Variants in RGS6 observed in about 807,000 individuals in gnomAD.
RGS6 encodes regulator of G protein signaling 6.
RGS6 carries 30 observed loss-of-function variants against 78.5 expected under a neutral mutation model. The ratio of observed to expected loss-of-function variants is 0.38; its 90% CI spans 0.29 to 0.52. The LOEUF (loss-of-function observed/expected upper bound fraction) is 0.52, where lower values mean the gene tolerates loss of function less well. RGS6 is among the 20% of genes least tolerant of loss of function. The pLI is 0.85. For missense variants in RGS6, 495 were observed against 609.7 expected, an observed-to-expected ratio of 0.81 and a Z score of 1.98; for synonymous variants, 206 against 206.0, an observed-to-expected ratio of 1.00 and a Z score of 0.00.
chr14:71,956,408 G>C (rs75736325), intron 1 of RGS6, among the ~76,000 whole-genome samples: 3,001 of 151,668 alleles, frequency 0.02, 33 homozygotes, highest in Middle Eastern at 0.027. Flanking sequence ...GTGTGTGTGT[G>C]TATATATATG....
intron 2 of RGS6, among the ~76,000 whole-genome samples, chr14:71,972,743 G>T (rs2093888278): frequency 6.6e-6 from 1 of 152,142 alleles, no homozygotes; most frequent in Non-Finnish European, 1.5e-5. Flanking sequence ...GAAAAATGAT[G>T]CCCAAATCAG....
intron 6 of RGS6, among the ~76,000 whole-genome samples, chr14:72,462,601 G>A (rs185196319): frequency 1.3e-5 from 2 of 152,290 alleles, no homozygotes; most frequent in East Asian, 3.9e-4. Flanking sequence ...CTGCTACGAT[G>A]GTGATTTTTC....
intron 3 of RGS6, among the ~76,000 whole-genome samples, chr14:72,397,404 C>A (rs2091567512): frequency 6.6e-6 from 1 of 151,712 alleles, no homozygotes; most frequent in Admixed American, 6.6e-5. Context: ...GATTTTGTAT[C>A]CTGAGACTTT....
chr14:72,162,736 T>C (rs2096870319), intron 2 of RGS6, among the ~76,000 whole-genome samples: 1 of 152,100 alleles, frequency 6.6e-6, no homozygotes, highest in South Asian at 2.1e-4. Flanking sequence ...CAAAAATATG[T>C]AACCAGTCCA....
At chr14:72,278,677 A>C (rs747286394) in intron 2 of RGS6, among the ~76,000 whole-genome samples, 1 of 152,204 alleles carries the variant, frequency 6.6e-6, no homozygotes, top group Non-Finnish European at 1.5e-5. Flanking sequence ...TTACACAATC[A>C]TGGGAGCTGG....
the RGS6 span, chr14:72,619,363 G>A: frequency 3.3e-5 from 50 of 1,536,036 alleles, no homozygotes; most frequent in Non-Finnish European, 4.0e-5. Context: ...GGCAGCTCCA[G>A]CTTCCTGCAA....
intron 3 of RGS6, among the ~76,000 whole-genome samples, chr14:72,376,751 AG>A (rs1314894109): frequency 1.3e-5 from 2 of 152,228 alleles, no homozygotes; most frequent in Non-Finnish European, 2.9e-5. Flanking sequence ...TTAGAAATGA[AG>A]GAGAAATAAA....
chr14:72,220,643 G>A (rs1388027605), intron 2 of RGS6, among the ~76,000 whole-genome samples: 2 of 152,188 alleles, frequency 1.3e-5, no homozygotes, highest in African/African-American at 4.8e-5. Context: ...TGGCTACATG[G>A]AATTGTGCTA....
chr14:72,495,334 A>T, intron 13 of RGS6, 72 bp downstream of exon 13: 1 of 971,346 alleles, frequency 1.0e-6, no homozygotes, highest in Non-Finnish European at 1.7e-6. Context: ...AGATTACCTT[A>T]TATTCTATCT....
At chr14:72,402,631 AC>A in intron 3 of RGS6, among the ~76,000 whole-genome samples, 1 of 152,212 alleles carries the variant, frequency 6.6e-6, no homozygotes, top group East Asian at 1.9e-4. Context: ...TGCAAAAAAA[AC>A]CCACTTATAC....
At chr14:72,286,787 CCT>C (rs1365112344) in intron 2 of RGS6, among the ~76,000 whole-genome samples, 1 of 151,886 alleles carries the variant, frequency 6.6e-6, no homozygotes, top group Non-Finnish European at 1.5e-5. Flanking sequence ...GGACCCCTCC[CCT>C]CCCCTCCCCT....
At chr14:72,413,501 C>A (rs1050386268) in intron 3 of RGS6, among the ~76,000 whole-genome samples, 4 of 152,172 alleles carry the variant, frequency 2.6e-5, no homozygotes, top group South Asian at 2.1e-4. Flanking sequence ...CAGCACACTG[C>A]TGGGTCTTGA....
chr14:72,438,212 C>T (rs2095029029), intron 3 of RGS6, among the ~76,000 whole-genome samples: 2 of 152,176 alleles, frequency 1.3e-5, no homozygotes, highest in African/African-American at 4.8e-5. Flanking sequence ...TGACAGGAGA[C>T]ATTCCAAATT....
intron 2 of RGS6, among the ~76,000 whole-genome samples, chr14:71,984,462 T>C (rs2094602336): frequency 9.0e-6 from 1 of 110,544 alleles, no homozygotes. Flanking sequence ...CCGTGCAATA[T>C]AGTGAGACCC....
chr14:72,494,339 C>T (rs2096616340), intron 12 of RGS6, among the ~76,000 whole-genome samples: 1 of 151,778 alleles, frequency 6.6e-6, no homozygotes, highest in Non-Finnish European at 1.5e-5. Context: ...GAGTTGAGGA[C>T]TGGTGAATAG....
chr14:72,616,335 G>C, the RGS6 span, among the ~76,000 whole-genome samples: 2 of 152,086 alleles, frequency 1.3e-5, no homozygotes, highest in Admixed American at 6.5e-5. Flanking sequence ...TATAGAAGGA[G>C]TATCCTGAGT....
chr14:72,089,811 A>G (rs1031404937), intron 2 of RGS6, among the ~76,000 whole-genome samples: 5 of 152,176 alleles, frequency 3.3e-5, no homozygotes, highest in African/African-American at 1.2e-4. Flanking sequence ...CTTCCTATAT[A>G]CCACCACCTC....
At chr14:72,453,607 C>G (rs1479352515) in intron 3 of RGS6, among the ~76,000 whole-genome samples, 1 of 108,288 alleles carries the variant, frequency 9.2e-6, no homozygotes, top group Non-Finnish European at 1.8e-5. Flanking sequence ...CAGAGCGAGA[C>G]TCCGTCTCAA....
At chr14:72,099,893 T>C (rs2095492005) in intron 2 of RGS6, among the ~76,000 whole-genome samples, 1 of 152,166 alleles carries the variant, frequency 6.6e-6, no homozygotes. Context: ...CCGTTTCTAC[T>C]TGGGAAACTG....
Sources: gnomAD v4.1 joint callset for allele counts (sites outside exome capture counted in the v4.1 genomes callset) on GRCh38, gnomAD v4.1.1 for gene constraint, MANE v1.5 for transcripts, NCBI Gene and HGNC (gene_info 2026-07-23, HGNC 2026-07-21) for gene names.